Variants in GRID1 observed in about 807,000 individuals in gnomAD.
GRID1 encodes glutamate receptor ionotropic, delta-1.
GRID1 carries 28 observed loss-of-function variants against 98.0 expected under a neutral mutation model. The observed-to-expected ratio is 0.29, with a 90% CI of 0.21 to 0.39. The LOEUF is 0.39. Ranked by LOEUF, GRID1 falls within the 10% of genes least tolerant of loss-of-function variation. The pLI, the probability that GRID1 is intolerant of heterozygous loss-of-function variation, is 1.00. For missense variants in GRID1, 1,111 were observed against 1,340.5 expected (o/e 0.83, Z 2.67); for synonymous variants, 553 against 538.5 (o/e 1.03, Z -0.37).
chr10:86,018,678 T>A (rs752138376), intron 4 of GRID1, among the ~76,000 whole-genome samples: 1 of 152,152 alleles, frequency 6.6e-6, no homozygotes, highest in Non-Finnish European at 1.5e-5. Context: ...CCAGCCAGAA[T>A]GCTGGGGCCA....
intron 4 of GRID1, among the ~76,000 whole-genome samples, chr10:86,121,401 C>A: frequency 6.6e-6 from 1 of 151,360 alleles, no homozygotes; most frequent in East Asian, 2.0e-4. Flanking sequence ...TCTCCATCGC[C>A]ATCATCAACA....
At chr10:86,190,446 G>A (rs1845785629) in intron 3 of GRID1, among the ~76,000 whole-genome samples, 1 of 152,228 alleles carries the variant, frequency 6.6e-6, no homozygotes, top group Non-Finnish European at 1.5e-5. Flanking sequence ...GGCTGTGCTG[G>A]TGTCAGGGAG....
rs541944778 is a variant in GRID1 at position 85,699,574 on chromosome 10, C to A, written c.1997+23429G>T. ...ATTAAAGAAGTCACCACCAAACCCA[C>A]GGTCATCTAAATTTTCAGTTTATTA... is the stretch of plus-strand genomic sequence containing the variant. On this transcript the variant is annotated intron_variant, in intron 12 of 15. Coordinates refer to ENST00000327946, the MANE Select transcript of GRID1 (RefSeq NM_017551.3). 9.2e-5 allele frequency among the ~76,000 whole-genome samples: 14 copies of A among 152,158 alleles called. No homozygotes were observed. In the South Asian group the frequency reaches 1.0e-3, roughly 11 times the overall value.
chr10:85,739,459 C>G (rs1006028124), intron 8 of GRID1, among the ~76,000 whole-genome samples: 9 of 152,080 alleles, frequency 5.9e-5, no homozygotes, highest in African/African-American at 2.2e-4. Flanking sequence ...GTGTCATGCA[C>G]CTGTAGTCCC....
chr10:85,700,740 C>T (rs2132621875), intron 12 of GRID1, among the ~76,000 whole-genome samples: 1 of 152,230 alleles, frequency 6.6e-6, no homozygotes, highest in Middle Eastern at 3.4e-3. Context: ...TCATACTCAA[C>T]CCCAAAGAAA....
At chr10:85,877,263 C>G (rs528149348) in intron 5 of GRID1, among the ~76,000 whole-genome samples, 510 of 152,336 alleles carry the variant, frequency 3.3e-3, no homozygotes, top group African/African-American at 0.011. Context: ...CAGTGGTTCT[C>G]CCAGCACACA....
intron 2 of GRID1, among the ~76,000 whole-genome samples, chr10:86,227,702 A>C (rs546384915): frequency 6.6e-6 from 1 of 151,928 alleles, no homozygotes; most frequent in South Asian, 2.1e-4. Flanking sequence ...CCCAGCTCCC[A>C]CCTGTGAAGT....
intron 2 of GRID1, among the ~76,000 whole-genome samples, chr10:86,254,541 C>A (rs1407007014): frequency 6.6e-6 from 1 of 152,186 alleles, no homozygotes; most frequent in African/African-American, 2.4e-5. Flanking sequence ...TCCTTAGAAT[C>A]ACCTGGGTAG....
At position 85,699,864 on chromosome 10, in the gene GRID1, T is replaced by C. The variant is rs149085612; in HGVS notation, c.1997+23139A>G. 5.0e-3 allele frequency among the ~76,000 whole-genome samples: 765 copies of C among 152,336 alleles called. 5 individuals are homozygous for C. The highest frequency in any genetic ancestry group is 0.016 in the African/African-American group (685 of 41,566). On this transcript the variant is annotated intron_variant, in intron 12 of 15. Coordinates refer to ENST00000327946, the MANE Select transcript of GRID1 (RefSeq NM_017551.3). ...ATCTGTTCAAAGTATTCGCTTATTT[T>C]AGTTTACAAATGTGATGTTTCCAGT...
At chr10:86,296,952 T>G (rs1847602304) in intron 2 of GRID1, among the ~76,000 whole-genome samples, 1 of 152,328 alleles carries the variant, frequency 6.6e-6, no homozygotes, top group South Asian at 2.1e-4. Flanking sequence ...TCACTAGAGA[T>G]GTGCATGACC....
chr10:85,703,852 T>G (rs970375931), intron 12 of GRID1, among the ~76,000 whole-genome samples: 10 of 152,260 alleles, frequency 6.6e-5, no homozygotes, highest in South Asian at 2.1e-4. Flanking sequence ...TTGGCATGTT[T>G]TTGCAGTGGC....
intron 4 of GRID1, among the ~76,000 whole-genome samples, chr10:86,065,791 G>A (rs530510732): frequency 1.7e-4 from 26 of 152,156 alleles, no homozygotes; most frequent in African/African-American, 6.0e-4. Flanking sequence ...GCAGCTCCAA[G>A]GAGAAGTGAT....
chr10:86,080,178 AT>A (rs764337835), intron 4 of GRID1, among the ~76,000 whole-genome samples: 7 of 151,714 alleles, frequency 4.6e-5, no homozygotes, highest in Non-Finnish European at 8.8e-5. Context: ...TACTAAAAAT[AT>A]AAAAATTAGC....
chr10:86,007,822 T>TTTTATTTATTTATTTATTTA (rs56067622), intron 4 of GRID1, among the ~76,000 whole-genome samples: 26 of 148,860 alleles, frequency 1.7e-4, no homozygotes, highest in African/African-American at 6.0e-4. Context: ...TTTTGTGTTT[T>TTTTATTTATTTATTTATTTA]TTTATTTATT....
chr10:85,806,324 G>A (rs550807232), intron 8 of GRID1, among the ~76,000 whole-genome samples: 9 of 152,244 alleles, frequency 5.9e-5, no homozygotes, highest in African/African-American at 1.9e-4. Context: ...TGGTAAGAAA[G>A]TGGAGCAACT....
At chr10:86,135,467 C>T (rs2131969520) in intron 4 of GRID1, among the ~76,000 whole-genome samples, 1 of 151,854 alleles carries the variant, frequency 6.6e-6, no homozygotes, top group South Asian at 2.1e-4. Flanking sequence ...TCACCCTCAG[C>T]CCCATCCTCC....
intron 15 of GRID1, among the ~76,000 whole-genome samples, chr10:85,608,102 C>T (rs1042556103): frequency 6.6e-6 from 1 of 152,158 alleles, no homozygotes; most frequent in Non-Finnish European, 1.5e-5. Flanking sequence ...AGGCATGCGC[C>T]ACTACACCCA....
At chr10:85,628,700 C>G (rs938164569) in intron 13 of GRID1, among the ~76,000 whole-genome samples, 1 of 152,142 alleles carries the variant, frequency 6.6e-6, no homozygotes, top group African/African-American at 2.4e-5. Flanking sequence ...GACTCTGGAC[C>G]AGCAAAAGGA....
At chr10:86,163,579 G>A (rs998228642) in intron 3 of GRID1, among the ~76,000 whole-genome samples, 1 of 152,174 alleles carries the variant, frequency 6.6e-6, no homozygotes, top group South Asian at 2.1e-4. Flanking sequence ...GATGAAGACT[G>A]TGAGCATGAT....
Sources: gnomAD v4.1 joint callset for allele counts (sites outside exome capture counted in the v4.1 genomes callset) on GRCh38, gnomAD v4.1.1 for gene constraint, MANE v1.5 for transcripts, NCBI Gene and HGNC (gene_info 2026-07-23, HGNC 2026-07-21) for gene names.